Variants in PTPRD observed in about 807,000 individuals in gnomAD.
PTPRD encodes the protein protein tyrosine phosphatase receptor type D.
In PTPRD, 34 loss-of-function variants were observed where a neutral mutation model predicts 214.5. The ratio of observed to expected loss-of-function variants is 0.16; its 90% CI spans 0.12 to 0.21. PTPRD has a LOEUF of 0.21. Ranked by LOEUF, PTPRD falls within the 10% of genes least tolerant of loss-of-function variation. PTPRD has a pLI of 1.00. For missense variants in PTPRD, 2,545 were observed against 2,398.7 expected (o/e 1.06, Z -1.27); for synonymous variants, 1,128 against 845.7 (o/e 1.33, Z -5.79).
At chr9:10,455,890 AG>A (rs2131040168) in intron 2 of PTPRD, among the ~76,000 whole-genome samples, 1 of 151,970 alleles carries the variant, frequency 6.6e-6, no homozygotes, top group African/African-American at 2.4e-5. Flanking sequence ...TTTGACTGCT[AG>A]GAAATCACAA....
chr9:8,804,673 T>C (rs1199816212), intron 11 of PTPRD, among the ~76,000 whole-genome samples: 1 of 147,850 alleles, frequency 6.8e-6, no homozygotes. Flanking sequence ...GAGAAACGTG[T>C]GGCATGAACT....
intron 12 of PTPRD, among the ~76,000 whole-genome samples, chr9:8,705,306 C>T (rs560763815): frequency 1.8e-4 from 28 of 152,244 alleles, no homozygotes; most frequent in African/African-American, 5.5e-4. Context: ...CTGCAACCTC[C>T]GCCTCTGGGA....
chr9:9,477,735 T>C (rs2095167242), intron 8 of PTPRD, among the ~76,000 whole-genome samples: 1 of 152,186 alleles, frequency 6.6e-6, no homozygotes, highest in African/African-American at 2.4e-5. Context: ...TATTACATTA[T>C]ATGGTGCAAG....
At chr9:8,356,969 C>A (rs1184684081) in intron 39 of PTPRD, among the ~76,000 whole-genome samples, 1 of 152,184 alleles carries the variant, frequency 6.6e-6, no homozygotes, top group South Asian at 2.1e-4. Flanking sequence ...GTGGCAGCAT[C>A]TGAAAATCTA....
chr9:9,770,694 G>T (rs1288566762), intron 5 of PTPRD, among the ~76,000 whole-genome samples: 1 of 152,016 alleles, frequency 6.6e-6, no homozygotes, highest in Non-Finnish European at 1.5e-5. Context: ...TAAAAAACAG[G>T]CCATGTTTGT....
intron 2 of PTPRD, among the ~76,000 whole-genome samples, chr9:10,573,197 T>C (rs572566558): frequency 6.6e-6 from 1 of 152,290 alleles, no homozygotes; most frequent in African/African-American, 2.4e-5. Context: ...ATGTGCTAAT[T>C]TCACCAAAAG....
chr9:9,376,919 A>T (rs1030590295), intron 9 of PTPRD, among the ~76,000 whole-genome samples: 4 of 152,030 alleles, frequency 2.6e-5, no homozygotes, highest in Admixed American at 6.6e-5. Context: ...ATTCCAAAAA[A>T]TTTGGGCTAG....
intron 2 of PTPRD, among the ~76,000 whole-genome samples, chr9:10,544,814 T>C (rs766436656): frequency 9.2e-5 from 14 of 152,226 alleles, no homozygotes; most frequent in African/African-American, 2.9e-4. Flanking sequence ...AAATGACTAA[T>C]GGTCCTACAT....
chr9:8,440,293 C>T (rs1307434829), intron 34 of PTPRD, among the ~76,000 whole-genome samples: 1 of 150,758 alleles, frequency 6.6e-6, no homozygotes, highest in Non-Finnish European at 1.5e-5. Flanking sequence ...CAGTTAGAAG[C>T]TACAAATGTA....
Position 9,194,647 on chromosome 9 carries a change from C to G in PTPRD, c.-202-11284G>C, listed in dbSNP as rs115424494. Among the ~76,000 whole-genome samples the G allele has an allele frequency of 6.5e-3, 983 of 152,190 alleles. 9 individuals are homozygous for G. Among genetic ancestry groups the G allele is most frequent in the African/African-American group, 0.022 (933 of 41,544 alleles). On this transcript the variant is annotated intron_variant, in intron 9 of 45. Transcript: ENST00000381196. ...AGTAGAGACAGACAAGAGGAATGTGCAAAGGCAAATAAGAAGTGAGGAGCT... is the reference window on the plus strand; with the variant it reads ...AGTAGAGACAGACAAGAGGAATGTGGAAAGGCAAATAAGAAGTGAGGAGCT...
chr9:9,271,226 T>G (rs1247376191), intron 9 of PTPRD, among the ~76,000 whole-genome samples: 1 of 151,284 alleles, frequency 6.6e-6, no homozygotes, highest in Non-Finnish European at 1.5e-5. Flanking sequence ...GAAGCCAACT[T>G]TCAAAACTAT....
chr9:8,433,210 T>C (rs964755595), intron 35 of PTPRD, among the ~76,000 whole-genome samples: 5 of 152,298 alleles, frequency 3.3e-5, no homozygotes, highest in Non-Finnish European at 5.9e-5. Context: ...TGTCGTAACG[T>C]CCTAGCACAG....
At chr9:8,892,571 A>G (rs994314051) in intron 11 of PTPRD, among the ~76,000 whole-genome samples, 2 of 149,594 alleles carry the variant, frequency 1.3e-5, no homozygotes, top group African/African-American at 4.9e-5. Context: ...ATATGTGTGT[A>G]TATATATGTG....
intron 8 of PTPRD, among the ~76,000 whole-genome samples, chr9:9,478,801 T>G (rs1032755578): frequency 2.6e-5 from 4 of 152,238 alleles, no homozygotes; most frequent in Non-Finnish European, 5.9e-5. Flanking sequence ...AAGATGCTGC[T>G]CGAGTTTAAT....
chr9:8,919,214 G>A (rs559315076), intron 11 of PTPRD, among the ~76,000 whole-genome samples: 39 of 152,092 alleles, frequency 2.6e-4, no homozygotes, highest in African/African-American at 7.0e-4. Flanking sequence ...TCAACATGGC[G>A]AAATCCTGTC....
intron 7 of PTPRD, among the ~76,000 whole-genome samples, chr9:9,588,992 T>G (rs958273628): frequency 6.6e-6 from 1 of 151,940 alleles, no homozygotes; most frequent in Non-Finnish European, 1.5e-5. Context: ...TGTGGCAAAA[T>G]TTTTGTTCAA....
chr9:8,497,850 G>A (rs2097310087), intron 25 of PTPRD, among the ~76,000 whole-genome samples: 1 of 152,182 alleles, frequency 6.6e-6, no homozygotes, highest in Non-Finnish European at 1.5e-5. Context: ...ATTTTGCAAT[G>A]GAACTAGGGA....
At chr9:9,948,909 T>A (rs1013694962) in intron 4 of PTPRD, among the ~76,000 whole-genome samples, 2 of 152,050 alleles carry the variant, frequency 1.3e-5, no homozygotes, top group African/African-American at 4.8e-5. Flanking sequence ...CTATTTGAAA[T>A]ATAAATAAAG....
chr9:9,334,080 G>A lies in PTPRD; in HGVS notation c.-203+63369C>T, dbSNP rs1595935287. Among the ~76,000 whole-genome samples, 5 of 152,002 alleles carry A rather than the reference G, an allele frequency of 3.3e-5. No homozygotes were observed. In the South Asian group the frequency reaches 1.0e-3, roughly 32 times the overall value. On this transcript the variant is annotated intron_variant, in intron 9 of 45. Transcript: ENST00000381196. ...CAATGTTGAAAGAAAATGCCTAAGT[G>A]TATATGCCCGTAATGTATACTTCAT...
Sources: gnomAD v4.1 joint callset for allele counts (sites outside exome capture counted in the v4.1 genomes callset) on GRCh38, gnomAD v4.1.1 for gene constraint, MANE v1.5 for transcripts, NCBI Gene and HGNC (gene_info 2026-07-23, HGNC 2026-07-21) for gene names.